Variants in ANO4 observed in about 807,000 individuals in gnomAD.
The protein encoded by ANO4 is anoctamin 4.
A neutral mutation model predicts 141.9 loss-of-function variants in ANO4; 69 were observed. The ratio of observed to expected loss-of-function variants is 0.49; its 90% CI spans 0.40 to 0.59. The LOEUF (loss-of-function observed/expected upper bound fraction) is 0.59, where lower values mean the gene tolerates loss of function less well. ANO4 is among the 20% of genes least tolerant of loss of function. The probability of loss-of-function intolerance (pLI) is 0.00; values close to 1 mark genes in which losing one functional copy is unlikely to be tolerated. For synonymous variants in ANO4, 350 were observed against 394.3 expected, an observed-to-expected ratio of 0.89 and a Z score of 1.33; for missense variants, 894 against 1,162.2, an observed-to-expected ratio of 0.77 and a Z score of 3.36.
intron 5 of ANO4, among the ~76,000 whole-genome samples, chr12:100,942,771 A>T (rs993980280): frequency 6.6e-6 from 1 of 152,190 alleles, no homozygotes; most frequent in African/African-American, 2.4e-5. Context: ...TTCCAATTAA[A>T]TGGATTGTTT....
intron 2 of ANO4, among the ~76,000 whole-genome samples, chr12:100,734,995 A>G (rs868168249): frequency 6.6e-6 from 1 of 152,172 alleles, no homozygotes; most frequent in Admixed American, 6.5e-5. Context: ...TTGTAATGCA[A>G]TGGGGTACTG....
intron 1 of ANO4, among the ~76,000 whole-genome samples, chr12:100,721,712 T>C (rs1331871816): frequency 6.6e-6 from 1 of 152,172 alleles, no homozygotes; most frequent in Non-Finnish European, 1.5e-5. Context: ...AATGTCTCAC[T>C]CTGTTGCCCA....
intron 1 of ANO4, among the ~76,000 whole-genome samples, chr12:100,829,995 A>G (rs192636245): frequency 7.1e-4 from 108 of 152,136 alleles, no homozygotes; most frequent in Non-Finnish European, 1.1e-3. Context: ...TCTACTCAAT[A>G]ATTGTGTGAT....
At position 100,857,019 on chromosome 12, in the gene ANO4, A is replaced by G. The variant is rs116920802; in HGVS notation, c.-140-44627A>G. Reference sequence around the variant, plus strand: ...TCTTCTCTAGTTAGTGAGTTTATCAAGATTTAAGATGGTAGTGGTTTTGTT... The same window carrying G: ...TCTTCTCTAGTTAGTGAGTTTATCAGGATTTAAGATGGTAGTGGTTTTGTT... On this transcript the variant is annotated intron_variant, in intron 1 of 27. Coordinates refer to ENST00000392977, the MANE Select transcript of ANO4 (RefSeq NM_001286615.2). Among the ~76,000 whole-genome samples the G allele has an allele frequency of 1.1e-3, 161 of 152,202 alleles. 5 individuals are homozygous for G. The East Asian group carries it at 0.027, about 25-fold the overall frequency.
intron 7 of ANO4, 65 bp downstream of exon 7, chr12:100,974,954 CAAG>C: frequency 6.4e-7 from 1 of 1,561,632 alleles, no homozygotes; most frequent in Middle Eastern, 1.7e-4. Context: ...CCAACAATGA[CAAG>C]GAGCTATAAG....
At chr12:101,102,816 T>C (rs533922872) in intron 22 of ANO4, among the ~76,000 whole-genome samples, 3 of 152,044 alleles carry the variant, frequency 2.0e-5, no homozygotes, top group Non-Finnish European at 4.4e-5. Flanking sequence ...TTTGAAGATA[T>C]TTGATGTTTC....
Position 101,101,040 on chromosome 12 carries a change from T to A in ANO4, c.2149+1320T>A, listed in dbSNP as rs2050165758. ...TATTTACATATTATTTGTGGCTGCT[T>A]TGGCACTGCAACAGTAGAGTTGGGT... On this transcript the variant is annotated intron_variant, in intron 22 of 27. Transcript: ENST00000392977. Among the ~76,000 whole-genome samples, 5 of 152,238 alleles carry A rather than the reference T, an allele frequency of 3.3e-5. No homozygotes were observed. The South Asian group carries it at 1.0e-3, about 31-fold the overall frequency.
chr12:101,085,603 G>T (rs955863186), intron 16 of ANO4, among the ~76,000 whole-genome samples: 1 of 152,078 alleles, frequency 6.6e-6, no homozygotes, highest in Non-Finnish European at 1.5e-5. Context: ...TCATGGTGTT[G>T]GGGGGTGGTT....
intron 5 of ANO4, among the ~76,000 whole-genome samples, chr12:100,950,924 G>C (rs952004571): frequency 6.6e-6 from 1 of 152,190 alleles, no homozygotes; most frequent in Non-Finnish European, 1.5e-5. Flanking sequence ...CCTTGACCAA[G>C]TGAAGAGAGA....
chr12:101,107,950 G>A (rs561332370), intron 22 of ANO4, among the ~76,000 whole-genome samples: 1 of 152,178 alleles, frequency 6.6e-6, no homozygotes, highest in Non-Finnish European at 1.5e-5. Context: ...GAGGCTAATG[G>A]TTCTGAAGGC....
At chr12:100,927,315 T>C in intron 3 of ANO4, among the ~76,000 whole-genome samples, 1 of 152,108 alleles carries the variant, frequency 6.6e-6, no homozygotes, top group East Asian at 1.9e-4. Context: ...GATGCAATGA[T>C]AACAACATTA....
chr12:100,851,346 T>A (rs904642023), intron 1 of ANO4, among the ~76,000 whole-genome samples: 3 of 152,184 alleles, frequency 2.0e-5, no homozygotes, highest in Admixed American at 2.0e-4. Flanking sequence ...TTGTTAAATA[T>A]CTATCCCTGC....
chr12:100,952,175 G>A (rs1489743594), intron 5 of ANO4, among the ~76,000 whole-genome samples: 1 of 152,166 alleles, frequency 6.6e-6, no homozygotes, highest in African/African-American at 2.4e-5. Context: ...ATGTATTTGA[G>A]GGGAAGAATA....
At chr12:100,764,192 A>C (rs373685445) in intron 3 of ANO4, among the ~76,000 whole-genome samples, 6 of 152,358 alleles carry the variant, frequency 3.9e-5, no homozygotes, top group Admixed American at 2.0e-4. Flanking sequence ...TATCATAAAA[A>C]TGGTTCTCAA....
intron 22 of ANO4, 68 bp from the exon 23 acceptor site, chr12:101,110,336 T>C: frequency 6.8e-7 from 1 of 1,470,106 alleles, no homozygotes; most frequent in East Asian, 2.4e-5. Flanking sequence ...ATATTCAGAT[T>C]ATGATCCCTT....
intron 14 of ANO4, chr12:101,066,997 C>CAAAAAAAAAAAAAAAAAAAAGAATAAA: frequency 5.7e-6 from 1 of 174,810 alleles, no homozygotes. Flanking sequence ...TAAAGTATAA[C>CAAAAAAAAAAAAAAAAAAAAGAATAAA]AAAAAAAAAA....
At chr12:100,921,683 A>G (rs2041638059) in intron 2 of ANO4, among the ~76,000 whole-genome samples, 1 of 152,164 alleles carries the variant, frequency 6.6e-6, no homozygotes, top group Non-Finnish European at 1.5e-5. Flanking sequence ...AAGAGGCTTA[A>G]TTACTTCATA....
chr12:100,993,443 A>C (rs2136361689), intron 8 of ANO4, among the ~76,000 whole-genome samples: 1 of 152,288 alleles, frequency 6.6e-6, no homozygotes, highest in African/African-American at 2.4e-5. Context: ...GGATGAGGAA[A>C]GTGAGGAACA....
At chr12:100,923,361 C>T (rs1442842374) in intron 3 of ANO4, among the ~76,000 whole-genome samples, 4 of 145,364 alleles carry the variant, frequency 2.8e-5, no homozygotes, top group Non-Finnish European at 6.0e-5. Context: ...TGTTCATTTC[C>T]CACCTATGAG....
Sources: gnomAD v4.1 joint callset for allele counts (sites outside exome capture counted in the v4.1 genomes callset) on GRCh38, gnomAD v4.1.1 for gene constraint, MANE v1.5 for transcripts, NCBI Gene and HGNC (gene_info 2026-07-23, HGNC 2026-07-21) for gene names.